The following BRCA1 variants were observed in gnomAD, a reference collection of about 807,000 sequenced individuals.
BRCA1 encodes BRCA1 DNA repair associated.
Under a neutral mutation model 173.7 loss-of-function variants are expected in BRCA1, and 140 were observed. The ratio of observed to expected loss-of-function variants is 0.81; its 90% CI spans 0.70 to 0.93. The LOEUF is 0.93. BRCA1 is among the 40% of genes least tolerant of loss of function. The pLI, the probability that BRCA1 is intolerant of heterozygous loss-of-function variation, is 0.00. For missense variants in BRCA1, 1,983 were observed against 2,172.5 expected, an observed-to-expected ratio of 0.91 and a Z score of 1.73; for synonymous variants, 662 against 756.0, an observed-to-expected ratio of 0.88 and a Z score of 2.04.
chr17:43,057,480 C>T (rs1198206301), intron 18 of BRCA1, among the ~76,000 whole-genome samples: 1 of 150,976 alleles, frequency 6.6e-6, no homozygotes, highest in African/African-American at 2.4e-5. Flanking sequence ...CACTGCACTC[C>T]AGCCTGGGTA....
chr17:43,059,516 A>AACAAC (rs1567766274), intron 18 of BRCA1, among the ~76,000 whole-genome samples: 17 of 127,082 alleles, frequency 1.3e-4, no homozygotes, highest in African/African-American at 4.5e-4. Context: ...ACAACAACAA[A>AACAAC]TTCTCACATC....
rs150729791 is a variant in BRCA1, at chr17:43,067,658, G to A, written c.5024C>T (p.Thr1675Ile). The A allele has an allele frequency of 1.2e-5, 20 of 1,613,464 alleles. No individual in the cohort carries two copies. The highest frequency in any genetic ancestry group is 1.7e-5 in the Non-Finnish European group (20 of 1,179,606). The change falls in exon 16 of 23, where the codon ACT becomes ATT. Residue 1675 changes from threonine to isoleucine, a missense_variant. Thr to Ile is a moderately conservative substitution (Grantham distance 89). Transcript: ENST00000357654. ...CTCTTCAGTAATTAGATTAGTTAAA[G>A]TGATGTGGTGTTTTCTGGCAAACTT... ...VYKFARKHHI[T>I]LTNLITEETT...
chr17:43,044,445 T>C lies in BRCA1; in HGVS notation c.*1233A>G, dbSNP rs1003777922. 2.0e-6 allele frequency: 1 copy of C among 508,854 alleles called. No homozygotes were observed. Among genetic ancestry groups the C allele is most frequent in the Non-Finnish European group, 3.8e-6 (1 of 259,930 alleles). The allele number at this position is 508,854 out of a possible 1,614,324, so 31.5% of individuals were successfully genotyped here. A position where few individuals can be genotyped will look rare whatever the true frequency, so the allele number is the denominator to read the frequency against. On this transcript the variant is annotated 3_prime_UTR_variant, in exon 23 of 23. Coordinates refer to ENST00000357654, the MANE Select transcript of BRCA1 (RefSeq NM_007294.4). ...AACAGCTATAAACAGTCCTGGATAA[T>C]GGGTTTATGAAAAACACTTTTTCTT...
chr17:43,117,485 T>C (rs2055349102), intron 2 of BRCA1, among the ~76,000 whole-genome samples: 1 of 152,040 alleles, frequency 6.6e-6, no homozygotes, highest in Non-Finnish European at 1.5e-5. Context: ...CTCATGCTTG[T>C]AATCCCAGCA....
At chr17:43,095,657 C>T (rs1297916931) in intron 9 of BRCA1, among the ~76,000 whole-genome samples, 189 bp downstream of exon 9, 1 of 151,834 alleles carries the variant, frequency 6.6e-6, no homozygotes, top group Non-Finnish European at 1.5e-5. Flanking sequence ...ATTATAGGTA[C>T]ATTAGTCTAG....
intron 12 of BRCA1, chr17:43,079,559 A>G (rs2052906603): frequency 1.1e-6 from 1 of 910,762 alleles, no homozygotes; most frequent in Non-Finnish European, 1.8e-6. Context: ...TCTTGCCAAG[A>G]GAATTAATGT....
rs372606073 is a variant in BRCA1, at chr17:43,117,794, C to T, written c.81-2015G>A. Among the ~76,000 whole-genome samples, 9 of 152,180 alleles carry T rather than the reference C, an allele frequency of 5.9e-5. No homozygotes were observed. The South Asian group carries it at 6.2e-4, about 11-fold the overall frequency. ...TCAGAAAATACATCACCCAAGTTCC[C>T]ATCCCTACCTGTCTATCCACAAAAC... On this transcript the variant is annotated intron_variant, in intron 2 of 22. Transcript: ENST00000357654.
upstream of BRCA1, among the ~76,000 whole-genome samples, chr17:43,127,963 G>C (rs888468487): frequency 6.9e-6 from 1 of 144,872 alleles, no homozygotes; most frequent in African/African-American, 2.7e-5. Flanking sequence ...GGCGGAGCTT[G>C]CAGTGAGCCC....
At chr17:43,097,409 G>A in intron 7 of BRCA1, 120 bp from the exon 8 acceptor site, 1 of 896,636 alleles carries the variant, frequency 1.1e-6, no homozygotes, top group Non-Finnish European at 1.9e-6. Flanking sequence ...CATCTACTGT[G>A]GCAGGTACAA....
intron 7 of BRCA1, 134 bp downstream of exon 7, chr17:43,099,641 C>G: frequency 4.2e-6 from 3 of 721,592 alleles, no homozygotes; most frequent in Non-Finnish European, 7.4e-6. Context: ...TTATAACTCA[C>G]CATAGGGCTC....
chr17:43,071,924 C>T (rs1392676291), intron 14 of BRCA1, among the ~76,000 whole-genome samples: 1 of 151,516 alleles, frequency 6.6e-6, no homozygotes, highest in East Asian at 1.9e-4. Flanking sequence ...AGGGGAATGG[C>T]GTGTACCCGG....
rs533727326 is a variant in BRCA1 at position 43,144,280 on chromosome 17, A to C, written c.-19-20165T>G. On this transcript the variant is annotated intron_variant, in intron 1 of 7. Coordinates refer to the BRCA1 transcript ENST00000634433. ...TTGTAAGGGCGAAAAGCCCCCTACC[A>C]TGTCTGAATGAACATTCATGCATGG... 6.1e-5 allele frequency: 18 copies of C among 293,320 alleles called. No individual in the cohort carries two copies. The Admixed American group carries it at 7.2e-4, about 12-fold the overall frequency. The allele number at this position is 293,320 out of a possible 1,614,324, so 18.2% of individuals were successfully genotyped here.
intron 12 of BRCA1, among the ~76,000 whole-genome samples, chr17:43,081,086 AG>A (rs1289398764): frequency 1.3e-5 from 2 of 152,196 alleles, no homozygotes; most frequent in African/African-American, 4.8e-5. Flanking sequence ...TATACCAAAG[AG>A]GAGATAGTAG....
At chr17:43,152,489 G>A (rs1233869599) in intron 1 of BRCA1, among the ~76,000 whole-genome samples, 3 of 152,152 alleles carry the variant, frequency 2.0e-5, no homozygotes, top group Non-Finnish European at 4.4e-5. Flanking sequence ...GGGAGGCTGA[G>A]GTGGGTGGAT....
rs1057521961 is a variant in BRCA1 at position 43,051,043 on chromosome 17, G to T, written c.5332+20C>A. 1.9e-6 allele frequency: 3 copies of T among 1,611,148 alleles called. No individual in the cohort carries two copies. Among genetic ancestry groups the T allele is most frequent in the Non-Finnish European group, 2.5e-6 (3 of 1,177,314 alleles). ...GACAAAGGCTGGTGCTGGAACTCTG[G>T]GGTTCTCCCAGGCTCTTACCTGTGG... On this transcript the variant is annotated intron_variant, in intron 20 of 22. Coordinates refer to ENST00000357654, the MANE Select transcript of BRCA1 (RefSeq NM_007294.4).
Position 43,057,137 on chromosome 17 carries a change from TG to T in BRCA1, c.5194-3del. The T allele has an allele frequency of 6.2e-7, 1 of 1,613,708 alleles. No individual in the cohort carries two copies. The highest frequency in any genetic ancestry group is 8.5e-7 in the Non-Finnish European group (1 of 1,179,724). ...ATCTCCTCTGACTTCAAAATCATGC[TG>T]AAAGAAACCAAACACAACCCATCAG... On this transcript the variant is annotated splice_region_variant and splice_polypyrimidine_tract_variant and intron_variant, in intron 18 of 22. Transcript: ENST00000357654.
chr17:43,052,312 A>G (rs2051275855), intron 19 of BRCA1, among the ~76,000 whole-genome samples: 1 of 152,086 alleles, frequency 6.6e-6, no homozygotes, highest in Admixed American at 6.6e-5. Context: ...ATGAGGTCTC[A>G]TTCTGTCACT....
intron 7 of BRCA1, among the ~76,000 whole-genome samples, chr17:43,098,983 A>ATTTT (rs577010874): frequency 7.7e-6 from 1 of 130,512 alleles, no homozygotes; most frequent in Non-Finnish European, 1.7e-5. Flanking sequence ...ACCCCGGCTA[A>ATTTT]TTTTTTTTTT....
intron 12 of BRCA1, 135 bp downstream of exon 12, chr17:43,082,269 C>A (rs2154141669): frequency 9.8e-7 from 1 of 1,020,752 alleles, no homozygotes; most frequent in East Asian, 2.4e-5. Context: ...GGGACAAGAA[C>A]CAAGGCTCCA....
Sources: gnomAD v4.1 joint callset for allele counts (sites outside exome capture counted in the v4.1 genomes callset) on GRCh38, gnomAD v4.1.1 for gene constraint, MANE v1.5 for transcripts, NCBI Gene and HGNC (gene_info 2026-07-23, HGNC 2026-07-21) for gene names.